Variants in TSKS observed in about 807,000 individuals in gnomAD.
The protein encoded by TSKS is testis specific serine kinase substrate.
In TSKS, 27 loss-of-function variants were observed where a neutral mutation model predicts 68.0. That is an observed-to-expected ratio of 0.40 (90% CI 0.29 to 0.55). TSKS has a LOEUF of 0.55. Ranked by LOEUF, TSKS falls within the 20% of genes least tolerant of loss-of-function variation. TSKS has a pLI of 0.53. For missense variants in TSKS, 806 were observed against 776.0 expected, an observed-to-expected ratio of 1.04 and a Z score of -0.46; for synonymous variants, 331 against 340.4, an observed-to-expected ratio of 0.97 and a Z score of 0.30.
rs118089422 is a variant in TSKS at position 49,757,649 on chromosome 19, C to T, written c.399+4355G>A. Among the ~76,000 whole-genome samples, 330 of 152,214 alleles carry T rather than the reference C, an allele frequency of 2.2e-3. 2 individuals carry two copies. Among genetic ancestry groups the T allele is most frequent in the Admixed American group, 2.4e-3 (37 of 15,262 alleles). On this transcript the variant is annotated intron_variant, in intron 2 of 10. Transcript: ENST00000246801. ...AGGGTTCCCATTGTCCTTCCTCCTACCTGGAAACTGACACTCTCTCAACCA... is the reference window on the plus strand; with the variant it reads ...AGGGTTCCCATTGTCCTTCCTCCTATCTGGAAACTGACACTCTCTCAACCA...
chr19:49,754,613 G>T lies in TSKS; in HGVS notation c.400-6144C>A, dbSNP rs375231165. On this transcript the variant is annotated intron_variant, in intron 2 of 10. Coordinates refer to ENST00000246801, the MANE Select transcript of TSKS (RefSeq NM_021733.2). ...GACAAACAAGCAGTCAAGAGAAACT[G>T]TTCAGGGGTAGGATGGCGGGGGCAG... 1.1e-3 allele frequency among the ~76,000 whole-genome samples: 168 copies of T among 152,258 alleles called. 1 individual carries two copies. Among genetic ancestry groups the T allele is most frequent in the Middle Eastern group, 3.4e-3 (1 of 294 alleles).
chr19:49,747,239 C>T (rs1165401340), intron 5 of TSKS, 150 bp downstream of exon 5: 1 of 1,547,352 alleles, frequency 6.5e-7, no homozygotes, highest in Non-Finnish European at 8.7e-7. Flanking sequence ...TTGAATCCCT[C>T]TTATCAGCGA....
At chr19:49,741,119 A>C (rs1462505758) in intron 9 of TSKS, among the ~76,000 whole-genome samples, 1 of 152,102 alleles carries the variant, frequency 6.6e-6, no homozygotes, top group Non-Finnish European at 1.5e-5. Flanking sequence ...CAGAGCTTGC[A>C]GTGAGCCGAG....
At chr19:49,760,097 G>T (rs915967209) in intron 2 of TSKS, among the ~76,000 whole-genome samples, 2 of 152,016 alleles carry the variant, frequency 1.3e-5, no homozygotes, top group Non-Finnish European at 2.9e-5. Flanking sequence ...TTTGCAGTGA[G>T]CCAAGATCGC....
At chr19:49,754,882 G>A (rs948929984) in intron 2 of TSKS, among the ~76,000 whole-genome samples, 37 of 151,958 alleles carry the variant, frequency 2.4e-4, no homozygotes, top group Admixed American at 6.6e-5. Context: ...GGCGGATCAC[G>A]AGGTCAAGAG....
At position 49,741,792 on chromosome 19, in the gene TSKS, C is replaced by A. The variant is rs1316442872; in HGVS notation, c.1497+93G>T. ...CCCAGCTCAGCCCTTCCCCTTCTGC[C>A]ACACACCAGCAGTACCCTTGAGTCC... On this transcript the variant is annotated intron_variant, in intron 9 of 10. Coordinates refer to ENST00000246801, the MANE Select transcript of TSKS (RefSeq NM_021733.2). 7 of 1,564,984 alleles carry A rather than the reference C, an allele frequency of 4.5e-6. No individual in the cohort carries two copies. The African/African-American group carries it at 8.1e-5, about 18-fold the overall frequency.
chr19:49,745,516 TC>T, intron 6 of TSKS, 120 bp from the exon 7 acceptor site: 1 of 857,084 alleles, frequency 1.2e-6, no homozygotes, highest in Non-Finnish European at 1.7e-6. Context: ...TGCCCGTGGC[TC>T]CAGACCCACC....
At chr19:49,759,852 T>G (rs1054058832) in intron 2 of TSKS, among the ~76,000 whole-genome samples, 2 of 149,968 alleles carry the variant, frequency 1.3e-5, no homozygotes, top group Non-Finnish European at 3.0e-5. Context: ...TAAAATAAAA[T>G]AAAAAGAAAG....
chr19:49,743,624 A>G (rs2084271147), intron 8 of TSKS, among the ~76,000 whole-genome samples: 1 of 146,918 alleles, frequency 6.8e-6, no homozygotes, highest in Admixed American at 7.1e-5. Flanking sequence ...CAGCCTTCCT[A>G]GTAGCTGGGA....
At chr19:49,758,660 C>T (rs574555134) in intron 2 of TSKS, among the ~76,000 whole-genome samples, 1 of 152,132 alleles carries the variant, frequency 6.6e-6, no homozygotes. Context: ...CCTGGACCCT[C>T]GCCCAGGCTC....
At position 49,740,151 on chromosome 19, in the gene TSKS, G is replaced by T; in HGVS notation, c.1530C>A (p.Val510=). 6.2e-7 allele frequency: 1 copy of T among 1,613,912 alleles called. No homozygotes were observed. Among genetic ancestry groups the T allele is most frequent in the South Asian group, 1.1e-5 (1 of 91,068 alleles). Residue 510 remains valine (V), a synonymous_variant, in exon 10 of 11, where the codon GTC becomes GTA. Transcript: ENST00000246801. ...GGGTGGAGCTCAGGGCCTCTGCCCT[G>T]ACGTGTTTGGCTAAGGCCTGGCGCT... ...ELERQALAKH[V]RAEALSSTLR... is the part of the protein sequence containing the mutation.
intron 2 of TSKS, among the ~76,000 whole-genome samples, chr19:49,751,796 C>T (rs578179284): frequency 6.6e-6 from 1 of 150,998 alleles, no homozygotes; most frequent in Admixed American, 6.7e-5. Flanking sequence ...GGCACAGTGG[C>T]TCACACCTGT....
Position 49,747,168 on chromosome 19 carries a change from T to C in TSKS, c.663+221A>G, listed in dbSNP as rs2084310116. 3.3e-6 allele frequency: 5 copies of C among 1,536,356 alleles called. No individual in the cohort carries two copies. In the East Asian group the frequency reaches 1.2e-4, roughly 38 times the overall value. ...TCACCTGAAGTCCAGCTCGATTCTC[T>C]TTCTGGGACCTGAATGTGACTGCAG... On this transcript the variant is annotated intron_variant, in intron 5 of 10. Coordinates refer to ENST00000246801, the MANE Select transcript of TSKS (RefSeq NM_021733.2).
chr19:49,758,577 GGGA>G (rs1220528180), intron 2 of TSKS, among the ~76,000 whole-genome samples: 1 of 152,134 alleles, frequency 6.6e-6, no homozygotes, highest in East Asian at 1.9e-4. Context: ...TTCTGTCTGA[GGGA>G]GGAGATGTCT....
chr19:49,756,562 ATT>A (rs1010883828), intron 2 of TSKS, among the ~76,000 whole-genome samples: 124 of 151,350 alleles, frequency 8.2e-4, no homozygotes, highest in Middle Eastern at 3.4e-3. Context: ...ACCACTCATG[ATT>A]AAAAAAAAAA....
At chr19:49,747,547 C>G in intron 4 of TSKS, 75 bp from the exon 5 acceptor site, 1 of 1,486,702 alleles carries the variant, frequency 6.7e-7, no homozygotes, top group Non-Finnish European at 9.4e-7. Context: ...CTGTCTGTTT[C>G]CATCCAGGCT....
chr19:49,757,984 G>A (rs1359661203), intron 2 of TSKS, among the ~76,000 whole-genome samples: 5 of 147,178 alleles, frequency 3.4e-5, no homozygotes, highest in Non-Finnish European at 5.9e-5. Flanking sequence ...TCCACCTCCC[G>A]AGTTCAAGCG....
At chr19:49,753,561 C>CAATAATAATAAT (rs59369964) in intron 2 of TSKS, among the ~76,000 whole-genome samples, 4,366 of 136,110 alleles carry the variant, frequency 0.032, 129 homozygotes, top group African/African-American at 0.077. Context: ...GACTCCATCT[C>CAATAATAATAAT]AATAATAATA....
chr19:49,744,906 T>A (rs2084283225), intron 7 of TSKS, among the ~76,000 whole-genome samples: 1 of 152,154 alleles, frequency 6.6e-6, no homozygotes, highest in Non-Finnish European at 1.5e-5. Context: ...TGTAGATTAC[T>A]GTTTGGAATG....
Sources: gnomAD v4.1 joint callset for allele counts (sites outside exome capture counted in the v4.1 genomes callset) on GRCh38, gnomAD v4.1.1 for gene constraint, MANE v1.5 for transcripts, NCBI Gene and HGNC (gene_info 2026-07-23, HGNC 2026-07-21) for gene names.